The following FABP2 variants were observed in gnomAD, a reference collection of about 807,000 sequenced individuals.
The protein encoded by FABP2 is fatty acid binding protein 2.
FABP2 carries 11 observed loss-of-function variants against 16.1 expected under a neutral mutation model. The ratio of observed to expected loss-of-function variants is 0.68; its 90% CI spans 0.43 to 1.13. The LOEUF (loss-of-function observed/expected upper bound fraction) is 1.13, where lower values mean the gene tolerates loss of function less well. FABP2 is among the 50% of genes most tolerant of loss of function. The probability of loss-of-function intolerance (pLI) is 0.00; values close to 1 mark genes in which losing one functional copy is unlikely to be tolerated. For missense variants in FABP2, 146 were observed against 155.1 expected (o/e 0.94, Z 0.31); for synonymous variants, 45 against 50.9 (o/e 0.88, Z 0.49).
Position 119,320,827 on chromosome 4 carries a change from T to C in FABP2, c.83A>G (p.Lys28Arg), listed in dbSNP as rs1755655980. The C allele has an allele frequency of 6.3e-7, 1 of 1,592,944 alleles. No homozygotes were observed. Among genetic ancestry groups the C allele is most frequent in the Non-Finnish European group, 8.5e-7 (1 of 1,173,274 alleles). Residue 28 changes from lysine (K) to arginine (R), a missense_variant, in exon 2 of 4, where the codon AAA becomes AGA. Physicochemically the swap from Lys to Arg is conservative, Grantham distance 26. Transcript: ENST00000274024. ...ATTGTCATGAGCTGCAAGCTTCCTT[T>C]TCACTATATTAACACCTGTAAAAGG... ...FMEKMGVNIV[K>R]RKLAAHDNLK...
Position 119,320,529 on chromosome 4 carries a change from TG to T in FABP2, c.240+140del, listed in dbSNP as rs1755648983. On this transcript the variant is annotated intron_variant, in intron 2 of 3. Transcript: ENST00000274024. ...TCCTGCCAATTTGTGCAATATATAA[TG>T]TAGACAAACTTCATTGGCTTCTTCA... 5 of 631,928 alleles carry T rather than the reference TG, an allele frequency of 7.9e-6. No homozygotes were observed. In the East Asian group the frequency reaches 1.5e-4, roughly 19 times the overall value. The allele number at this position is 631,928 out of a possible 1,614,324, so 39.1% of individuals were successfully genotyped here. A position where few individuals can be genotyped will look rare whatever the true frequency, so the allele number is the denominator to read the frequency against.
At chr4:119,319,187 C>T (rs1471781717) in intron 3 of FABP2, 96 bp from the exon 4 acceptor site, 10 of 534,262 alleles carry the variant, frequency 1.9e-5, no homozygotes, top group African/African-American at 1.6e-4. Flanking sequence ...TGAGTTTATA[C>T]TATTTTTATA....
At chr4:119,319,435 GAAGT>G in intron 3 of FABP2, 97 bp downstream of exon 3, 1 of 642,878 alleles carries the variant, frequency 1.6e-6, no homozygotes, top group Non-Finnish European at 2.7e-6. Context: ...TATGAGAAAA[GAAGT>G]AGTCAGTTTA....
In FABP2 at chr4:119,322,033, T is replaced by C; in HGVS notation, c.67+3A>G. 6.2e-7 allele frequency: 1 copy of C among 1,609,938 alleles called. No individual in the cohort carries two copies. Reference sequence around the variant, plus strand: ...ATGAGCCACAAAGAAATAAAGTCTTTACCCATTTTTTCCATGAACTTGTCA... The same window carrying C: ...ATGAGCCACAAAGAAATAAAGTCTTCACCCATTTTTTCCATGAACTTGTCA... On this transcript the variant is annotated splice_donor_region_variant and intron_variant, in intron 1 of 3. Coordinates refer to ENST00000274024, the MANE Select transcript of FABP2 (RefSeq NM_000134.4).
At position 119,319,647 on chromosome 4, in the gene FABP2, C is replaced by CATAATAATG. The variant is rs1755633233; in HGVS notation, c.241-5_241-4insCATTATTAT. The stretch of plus-strand genomic sequence containing the variant: ...TTCCCTCAAGGCTCCAGGTCCCCTA[C>CATAATAATG]ATAATAATAATAATAATAATAATAA... On this transcript the variant is annotated splice_region_variant and splice_polypyrimidine_tract_variant and intron_variant, in intron 2 of 3. Coordinates refer to ENST00000274024, the MANE Select transcript of FABP2 (RefSeq NM_000134.4). 1.3e-6 allele frequency: 1 copy of CATAATAATG among 767,114 alleles called. No individual in the cohort carries two copies. Among genetic ancestry groups the CATAATAATG allele is most frequent in the Non-Finnish European group, 1.9e-6 (1 of 534,604 alleles). The allele number at this position is 767,114 out of a possible 1,614,324, so 47.5% of individuals were successfully genotyped here. A position where few individuals can be genotyped will look rare whatever the true frequency, so the allele number is the denominator to read the frequency against.
Position 119,318,931 on chromosome 4 carries a change from A to G in FABP2, c.*110T>C. The G allele has an allele frequency of 2.6e-6, 2 of 769,880 alleles. No individual in the cohort carries two copies. The highest frequency in any genetic ancestry group is 4.2e-6 in the Non-Finnish European group (2 of 477,510). 47.7% of individuals were successfully genotyped at this position (769,880 alleles called of 1,614,324 possible). ...ATGGAAATATACCAATGTTTATAAAAGGACCAATCAATCAGTAACCTTATA... is the reference window on the plus strand; with the variant it reads ...ATGGAAATATACCAATGTTTATAAAGGGACCAATCAATCAGTAACCTTATA... On this transcript the variant is annotated 3_prime_UTR_variant, in exon 4 of 4. Transcript: ENST00000274024.
At chr4:119,319,953 C>G (rs1238803316) in intron 2 of FABP2, among the ~76,000 whole-genome samples, 1 of 152,000 alleles carries the variant, frequency 6.6e-6, no homozygotes, top group African/African-American at 2.4e-5. Context: ...AGCAGCACTT[C>G]TTTCTGAATC....
In FABP2 at chr4:119,320,809, T is replaced by G. The variant is rs779395084; in HGVS notation, c.101A>C (p.His34Pro). Residue 34 changes from histidine (H) to proline (P), a missense_variant, in exon 2 of 4, where the codon CAT becomes CCT. By Grantham distance (77) the His-to-Pro change is moderately conservative. Transcript: ENST00000274024. ...TGTAATTGTCAGCTTCAAATTGTCA[T>G]GAGCTGCAAGCTTCCTTTTCACTAT... ...VNIVKRKLAAHDNLKLTITQE... is the reference protein window; with the variant it reads ...VNIVKRKLAAPDNLKLTITQE... The G allele has an allele frequency of 3.1e-6, 5 of 1,599,918 alleles. No individual in the cohort carries two copies. Among genetic ancestry groups the G allele is most frequent in the Non-Finnish European group, 3.4e-6 (4 of 1,175,386 alleles).
chr4:119,321,634 G>T (rs1755670923), intron 1 of FABP2, among the ~76,000 whole-genome samples: 1 of 152,070 alleles, frequency 6.6e-6, no homozygotes, highest in African/African-American at 2.4e-5. Flanking sequence ...AATTTTAAGA[G>T]AACCTTTTCC....
chr4:119,320,524 T>C (rs1027667327), intron 2 of FABP2, 146 bp downstream of exon 2: 9 of 610,534 alleles, frequency 1.5e-5, no homozygotes, highest in African/African-American at 3.9e-5. Context: ...TTGTGCAATA[T>C]ATAATGTAGA....
rs1286910144 is a variant in FABP2, at chr4:119,320,820, C to T, written c.90G>A (p.Lys30=). The part of the protein sequence containing the change: ...EKMGVNIVKR[K]LAAHDNLKLT... ...GCTTCAAATTGTCATGAGCTGCAAG[C>T]TTCCTTTTCACTATATTAACACCTG... Residue 30 remains lysine, a synonymous_variant, in exon 2 of 4, where the codon AAG becomes AAA. Transcript: ENST00000274024. The T allele has an allele frequency of 6.3e-7, 1 of 1,594,832 alleles. No individual in the cohort carries two copies. The highest frequency in any genetic ancestry group is 1.4e-5 in the African/African-American group (1 of 73,372).
rs1755677532 is a variant in FABP2, at chr4:119,322,022, A to G, written c.67+14T>C. 1 of 1,606,036 alleles carries G rather than the reference A, an allele frequency of 6.2e-7. No individual in the cohort carries two copies. The highest frequency in any genetic ancestry group is 1.3e-5 in the African/African-American group (1 of 74,758). On this transcript the variant is annotated intron_variant, in intron 1 of 3. Transcript: ENST00000274024. ...GAAAGCAAAGAATGAGCCACAAAGA[A>G]ATAAAGTCTTTACCCATTTTTTCCA...
At chr4:119,319,227 G>A (rs558440696) in intron 3 of FABP2, 136 bp from the exon 4 acceptor site, 74 of 390,718 alleles carry the variant, frequency 1.9e-4, no homozygotes, top group African/African-American at 1.3e-3. Context: ...ATATGAGTAT[G>A]AGTTTATACA....
intron 3 of FABP2, 105 bp downstream of exon 3, chr4:119,319,430 GA>G: frequency 1.6e-6 from 1 of 624,830 alleles, no homozygotes; most frequent in Non-Finnish European, 2.8e-6. Flanking sequence ...AGATTTATGA[GA>G]AAAGAAGTAG....
Position 119,318,718 on chromosome 4 carries a change from A to G in FABP2, c.*323T>C, listed in dbSNP as rs1280250032. On this transcript the variant is annotated 3_prime_UTR_variant, in exon 4 of 4. Coordinates refer to ENST00000274024, the MANE Select transcript of FABP2 (RefSeq NM_000134.4). ...AAAGAGTAAGACCCTCTCTCTACGA[A>G]AACAGTCTGTCAATTCATATTCACA... 2.1e-5 allele frequency: 5 copies of G among 240,360 alleles called. No individual in the cohort carries two copies. Among genetic ancestry groups the G allele is most frequent in the Non-Finnish European group, 3.2e-5 (4 of 124,842 alleles). 14.9% of individuals were successfully genotyped at this position (240,360 alleles called of 1,614,324 possible).
At chr4:119,319,707 A>G (rs1038430881) in intron 2 of FABP2, 64 bp from the exon 3 acceptor site, 5 of 731,486 alleles carry the variant, frequency 6.8e-6, no homozygotes, top group Non-Finnish European at 9.5e-6. Context: ...TACACATGTC[A>G]GGCACTGTTC....
chr4:119,318,488 C>G lies in FABP2; in HGVS notation c.*553G>C, dbSNP rs1268987808. 1 of 152,030 alleles carries G rather than the reference C, an allele frequency of 6.6e-6. No homozygotes were observed. Among genetic ancestry groups the G allele is most frequent in the Admixed American group, 6.6e-5 (1 of 15,210 alleles). The allele number at this position is 152,030 out of a possible 1,614,324, so 9.4% of individuals were successfully genotyped here. The stretch of plus-strand genomic sequence containing the variant: ...CTGAGGCAGGAGGATTGCTTGAGGC[C>G]AGGGGTTCAAGACCAGCCTGGGCAA... On this transcript the variant is annotated 3_prime_UTR_variant, in exon 4 of 4. Transcript: ENST00000274024.
chr4:119,320,491 A>G lies in FABP2; in HGVS notation c.240+179T>C, dbSNP rs12510269. 0.34 allele frequency among the ~76,000 whole-genome samples: 51,219 copies of G among 151,854 alleles called. 8,803 individuals carry two copies. Among genetic ancestry groups the G allele is most frequent in the East Asian group, 0.39 (2,001 of 5,160 alleles). On this transcript the variant is annotated intron_variant, in intron 2 of 3. Transcript: ENST00000274024. ...TTCACAGATGCGTATAAAAATAAAA[A>G]CATATTTAAATATCCTGCCAATTTG... is the stretch of plus-strand genomic sequence containing the variant.
At position 119,319,047 on chromosome 4, in the gene FABP2, C is replaced by A; in HGVS notation, c.393G>T (p.Lys131Asn). 1 of 1,601,358 alleles carries A rather than the reference C, an allele frequency of 6.2e-7. No individual in the cohort carries two copies. Among genetic ancestry groups the A allele is most frequent in the Non-Finnish European group, 8.5e-7 (1 of 1,174,406 alleles). ...TGTGCGCCAAGAATAATGCTCAATCCTTTTTAAAGATCCTTTTGGCTTCTA... is the reference window on the plus strand; with the variant it reads ...TGTGCGCCAAGAATAATGCTCAATCATTTTTAAAGATCCTTTTGGCTTCTA... The part of the protein sequence containing the change: ...EGVEAKRIFK[K>N]D The change falls in exon 4 of 4, where the codon AAG (lysine) becomes AAT (asparagine). Residue 131 changes from lysine to asparagine, a missense_variant. Coordinates refer to ENST00000274024, the MANE Select transcript of FABP2 (RefSeq NM_000134.4).
Sources: allele counts gnomAD v4.1 joint callset (sites outside exome capture counted in the v4.1 genomes callset), GRCh38; gene constraint gnomAD v4.1.1; transcripts MANE v1.5; gene names NCBI Gene and HGNC (gene_info 2026-07-23, HGNC 2026-07-21).